BAZ2B: variants seen among roughly 807,000 people sequenced by gnomAD.
BAZ2B encodes bromodomain adjacent to zinc finger domain 2B.
A neutral mutation model predicts 246.0 loss-of-function variants in BAZ2B; 91 were observed. That is an observed-to-expected ratio of 0.37 (90% CI 0.31 to 0.44). The LOEUF (loss-of-function observed/expected upper bound fraction) is 0.44. Ranked by LOEUF, BAZ2B falls within the 20% of genes least tolerant of loss-of-function variation. The pLI is 1.00. For missense variants in BAZ2B, 2,332 were observed against 2,533.7 expected (o/e 0.92, Z 1.71); for synonymous variants, 855 against 860.0 (o/e 0.99, Z 0.10).
At chr2:159,464,566 A>C (rs901414470) in intron 3 of BAZ2B, 1 of 152,132 alleles carries the variant, frequency 6.6e-6, no homozygotes, top group African/African-American at 2.4e-5. Context: ...TAAAACTACC[A>C]TTTTCTCTTC....
chr2:159,626,601 GA>G, the BAZ2B span, among the ~76,000 whole-genome samples: 2 of 152,138 alleles, frequency 1.3e-5, no homozygotes, highest in African/African-American at 4.8e-5. Flanking sequence ...CAGAAATAAA[GA>G]TATTCTTTGA....
chr2:159,541,900 A>C (rs1281048583), intron 2 of BAZ2B, among the ~76,000 whole-genome samples: 1 of 152,234 alleles, frequency 6.6e-6, no homozygotes, highest in East Asian at 1.9e-4. Flanking sequence ...AAAGAGCAAA[A>C]GGAAACCCAT....
chr2:159,548,714 G>A (rs1276609226), intron 2 of BAZ2B, among the ~76,000 whole-genome samples: 1 of 152,122 alleles, frequency 6.6e-6, no homozygotes, highest in African/African-American at 2.4e-5. Context: ...TGGAAGGATT[G>A]CTTGAGGCCA....
At chr2:159,638,761 T>C in the BAZ2B span, among the ~76,000 whole-genome samples, 2 of 150,366 alleles carry the variant, frequency 1.3e-5, no homozygotes, top group South Asian at 2.1e-4. Flanking sequence ...ATCTAGAAAA[T>C]AGCGTCAAAA....
chr2:159,399,017 G>T, intron 17 of BAZ2B, 123 bp from the exon 18 acceptor site: 1 of 696,624 alleles, frequency 1.4e-6, no homozygotes, highest in South Asian at 2.5e-5. Flanking sequence ...CACATATGTA[G>T]ACAATTACAG....
At chr2:159,330,430 G>A (rs2064530956) in intron 34 of BAZ2B, among the ~76,000 whole-genome samples, 1 of 152,174 alleles carries the variant, frequency 6.6e-6, no homozygotes, top group Non-Finnish European at 1.5e-5. Context: ...AGAGGAGAGA[G>A]CGTTCAGTTC....
chr2:159,561,564 G>T (rs991893774), intron 1 of BAZ2B, among the ~76,000 whole-genome samples: 2 of 152,162 alleles, frequency 1.3e-5, no homozygotes, highest in Non-Finnish European at 2.9e-5. Flanking sequence ...TTGTAATATG[G>T]CTGGTGTTAC....
the BAZ2B span, among the ~76,000 whole-genome samples, chr2:159,662,824 G>T: frequency 6.6e-6 from 1 of 151,998 alleles, no homozygotes; most frequent in Non-Finnish European, 1.5e-5. Flanking sequence ...GAGCCACTGC[G>T]CCCAGCCCTT....
chr2:159,614,923 A>G (rs73010640), intron 1 of BAZ2B, among the ~76,000 whole-genome samples: 11,143 of 152,212 alleles, frequency 0.073, 518 homozygotes, highest in East Asian at 0.14. Flanking sequence ...AGACTTATCC[A>G]GACACACTTC....
chr2:159,324,671 CACACACACACACACACACCTG>C, intron 36 of BAZ2B, 119 bp downstream of exon 36: 1 of 222,964 alleles, frequency 4.5e-6, no homozygotes, highest in Non-Finnish European at 7.3e-6. Flanking sequence ...CACACACACA[CACACACACACACACACACCTG>C]CCTCAAAGGC....
At chr2:159,493,853 G>T (rs1439499017) in intron 2 of BAZ2B, among the ~76,000 whole-genome samples, 1 of 152,176 alleles carries the variant, frequency 6.6e-6, no homozygotes, top group Non-Finnish European at 1.5e-5. Flanking sequence ...ACATATACCT[G>T]ATATAAGTGC....
chr2:159,494,766 A>G (rs926070971), intron 2 of BAZ2B, among the ~76,000 whole-genome samples: 1 of 152,258 alleles, frequency 6.6e-6, no homozygotes, highest in Non-Finnish European at 1.5e-5. Flanking sequence ...ACAAACTTTA[A>G]CCATTTATGA....
rs921809897 is a variant in BAZ2B at position 159,570,182 on chromosome 2, GT to G, written c.-45-14318del. On this transcript the variant is annotated intron_variant, in intron 1 of 36. Transcript: ENST00000392783. ...CAGAATTTCATTAAAGTTTTTTTTTGTTTTTTTTGTTTTTTTTCTGGAGACA... is the reference window on the plus strand; with the variant it reads ...CAGAATTTCATTAAAGTTTTTTTTTGTTTTTTTGTTTTTTTTCTGGAGACA... 5.4e-3 allele frequency among the ~76,000 whole-genome samples: 214 copies of G among 39,272 alleles called. 1 individual carries two copies. The highest frequency in any genetic ancestry group is 0.021 in the African/African-American group (164 of 7,718). The allele number at this position is 39,272 out of a possible 152,430, so 25.8% of individuals were successfully genotyped here. A position where few individuals can be genotyped will look rare whatever the true frequency, so the allele number is the denominator to read the frequency against.
chr2:159,596,317 A>G (rs993829549), intron 1 of BAZ2B, among the ~76,000 whole-genome samples: 2 of 152,204 alleles, frequency 1.3e-5, no homozygotes, highest in Admixed American at 6.5e-5. Flanking sequence ...ACAATGATTA[A>G]TATATTGCAT....
chr2:159,559,680 GA>G (rs1028569572), intron 1 of BAZ2B, among the ~76,000 whole-genome samples: 1 of 152,018 alleles, frequency 6.6e-6, no homozygotes, highest in Admixed American at 6.5e-5. Context: ...ATTGCATGAG[GA>G]AAAAAATATG....
At chr2:159,347,428 TA>T in intron 31 of BAZ2B, 57 bp downstream of exon 31, 1 of 1,532,134 alleles carries the variant, frequency 6.5e-7, no homozygotes, top group Non-Finnish European at 9.0e-7. Flanking sequence ...AGGCAAGTAA[TA>T]AACATTAGTT....
intron 1 of BAZ2B, among the ~76,000 whole-genome samples, chr2:159,596,393 C>T (rs954899399): frequency 2.7e-4 from 41 of 151,916 alleles, no homozygotes; most frequent in African/African-American, 9.7e-4. Flanking sequence ...GAAGCACGGC[C>T]CTAAAGTTTG....
At chr2:159,676,969 TATATATATATA>T in the BAZ2B span, among the ~76,000 whole-genome samples, 2 of 94,324 alleles carry the variant, frequency 2.1e-5, no homozygotes, top group African/African-American at 9.8e-5. Flanking sequence ...TATATATATA[TATATATATATA>T]TATATATATA....
At chr2:159,562,874 C>T (rs1019463987) in intron 1 of BAZ2B, among the ~76,000 whole-genome samples, 1 of 151,958 alleles carries the variant, frequency 6.6e-6, no homozygotes, top group African/African-American at 2.4e-5. Context: ...CGCAAGATTG[C>T]TTTTTTTAAA....
Sources: gnomAD v4.1 joint callset for allele counts (sites outside exome capture counted in the v4.1 genomes callset) on GRCh38, gnomAD v4.1.1 for gene constraint, MANE v1.5 for transcripts, NCBI Gene and HGNC (gene_info 2026-07-23, HGNC 2026-07-21) for gene names.